The following NFKBID variants were observed in gnomAD, a reference collection of about 807,000 sequenced individuals.
The protein encoded by NFKBID is NFKB inhibitor delta.
A neutral mutation model predicts 53.4 loss-of-function variants in NFKBID; 26 were observed. The ratio of observed to expected loss-of-function variants is 0.49; its 90% CI spans 0.36 to 0.68. NFKBID has a LOEUF of 0.68. Ranked by LOEUF, NFKBID falls within the 30% of genes least tolerant of loss-of-function variation. NFKBID has a pLI of 0.00. For synonymous variants in NFKBID, 262 were observed against 259.8 expected, an observed-to-expected ratio of 1.01 and a Z score of -0.08; for missense variants, 493 against 614.1, an observed-to-expected ratio of 0.80 and a Z score of 2.08.
intron 1 of NFKBID, among the ~76,000 whole-genome samples, chr19:35,899,330 A>G (rs1975413024): frequency 6.6e-6 from 1 of 152,090 alleles, no homozygotes; most frequent in Non-Finnish European, 1.5e-5. Context: ...CTGTAATCCC[A>G]ACACTTTGAG....
chr19:35,892,049 ATTG>A (rs769378379), intron 9 of NFKBID, among the ~76,000 whole-genome samples: 110 of 151,006 alleles, frequency 7.3e-4, no homozygotes, highest in Middle Eastern at 7.0e-3. Flanking sequence ...ATCTTTTATT[ATTG>A]TTGTTGTTGT....
At chr19:35,901,991 C>T, upstream of NFKBID, 1 of 603,286 alleles carries the variant, frequency 1.7e-6, no homozygotes, top group Non-Finnish European at 3.0e-6. Flanking sequence ...GCACTCACTT[C>T]CTTGGTGATC....
chr19:35,898,819 C>T, exon 2 of NFKBID: 1 of 1,535,758 alleles, frequency 6.5e-7, no homozygotes, highest in South Asian at 1.2e-5. Flanking sequence ...CTCACCCCTG[C>T]TCACTGTGCG....
Position 35,896,404 on chromosome 19 carries a change from T to C in NFKBID, c.819A>G (p.Pro273=), listed in dbSNP as rs1432440950. 6.2e-7 allele frequency: 1 copy of C among 1,614,126 alleles called. No individual in the cohort carries two copies. Among genetic ancestry groups the C allele is most frequent in the African/African-American group, 1.3e-5 (1 of 75,022 alleles). ...CAGCTGGCCATACCAAGAGAACTCC[T>C]GGGAGCCCGTAGGTAGCGGCCACGT... is the stretch of plus-strand genomic sequence containing the variant. Residue 273 remains proline, a synonymous_variant, in exon 7 of 12, where the codon CCA becomes CCG. Coordinates refer to ENST00000641389, the Ensembl canonical transcript of NFKBID. This position sits in a 1 kb window ranked among gnomAD's most constrained non-coding sequence, Gnocchi z 5.7.
At chr19:35,893,913 T>C (rs2146949108) in intron 9 of NFKBID, among the ~76,000 whole-genome samples, 1 of 152,160 alleles carries the variant, frequency 6.6e-6, no homozygotes, top group Non-Finnish European at 1.5e-5. Flanking sequence ...ATGGAGTTCA[T>C]TCCACTATTT....
intron 9 of NFKBID, among the ~76,000 whole-genome samples, chr19:35,892,523 G>A (rs1324198027): frequency 2.0e-5 from 3 of 146,734 alleles, no homozygotes; most frequent in Non-Finnish European, 3.0e-5. Context: ...CAACCTGGGC[G>A]ACAGAGCGAG....
chr19:35,888,401 C>G, exon 12 of NFKBID: 1 of 607,122 alleles, frequency 1.6e-6, no homozygotes, highest in Non-Finnish European at 3.0e-6. Context: ...AATATTGGGG[C>G]CTGTTCACCC....
upstream of NFKBID, chr19:35,902,271 AAC>A (rs1244751511): frequency 1.4e-6 from 1 of 705,862 alleles, no homozygotes; most frequent in Non-Finnish European, 2.6e-6. Context: ...ATCCCTCTCA[AAC>A]ACACCCACAT....
At chr19:35,895,809 C>T (rs1357505613) in intron 9 of NFKBID, among the ~76,000 whole-genome samples, 171 bp downstream of exon 9, 1 of 152,098 alleles carries the variant, frequency 6.6e-6, no homozygotes, top group Admixed American at 6.6e-5. Context: ...CATCTCAAAA[C>T]AAACAAAGAA....
At chr19:35,895,904 C>A in intron 9 of NFKBID, 76 bp downstream of exon 9, 1 of 1,429,186 alleles carries the variant, frequency 7.0e-7, no homozygotes. Flanking sequence ...TCAGCATTTG[C>A]CTGGAGCTCC....
At chr19:35,892,090 A>G (rs1303725903) in intron 9 of NFKBID, among the ~76,000 whole-genome samples, 1 of 151,054 alleles carries the variant, frequency 6.6e-6, no homozygotes, top group East Asian at 2.0e-4. Flanking sequence ...TTGCTCTGTC[A>G]CCCAGGCTGG....
At position 35,898,840 on chromosome 19, in the gene NFKBID, G is replaced by C. The variant is rs974930601; in HGVS notation, c.62-18C>G. ...CCTGCTCACTGTGCGGGAGAGGAGA[G>C]GGGGAAGTCATCAAGGGTCCTTAAG... On this transcript the variant is annotated intron_variant, in intron 1 of 11. Coordinates refer to ENST00000641389, the Ensembl canonical transcript of NFKBID. The C allele has an allele frequency of 2.0e-6, 3 of 1,530,692 alleles. No homozygotes were observed. The highest frequency in any genetic ancestry group is 2.6e-6 in the Non-Finnish European group (3 of 1,142,034). 94.8% of individuals were successfully genotyped at this position (1,530,692 alleles called of 1,614,324 possible).
intron 9 of NFKBID, among the ~76,000 whole-genome samples, chr19:35,895,561 G>C (rs908196061): frequency 6.6e-6 from 1 of 152,092 alleles, no homozygotes; most frequent in African/African-American, 2.4e-5. Flanking sequence ...CAGCACTTTG[G>C]GAGGCCAAGG....
intron 9 of NFKBID, among the ~76,000 whole-genome samples, chr19:35,892,297 C>T (rs1371741989): frequency 6.6e-6 from 1 of 152,092 alleles, no homozygotes; most frequent in African/African-American, 2.4e-5. Flanking sequence ...AGCAGTCCGC[C>T]CACCTGAGCC....
chr19:35,893,126 A>G (rs541593523), intron 9 of NFKBID, among the ~76,000 whole-genome samples: 1 of 152,316 alleles, frequency 6.6e-6, no homozygotes, highest in East Asian at 1.9e-4. Context: ...TCGTGATCGC[A>G]CCACAGCACT....
intron 11 of NFKBID, among the ~76,000 whole-genome samples, chr19:35,889,564 C>A (rs1230787399): frequency 3.3e-5 from 5 of 151,314 alleles, no homozygotes. Context: ...GAGGTCAGGA[C>A]CCAAGGTTAG....
chr19:35,897,508 T>G (rs1171960005), intron 4 of NFKBID, 143 bp downstream of exon 4: 1 of 678,280 alleles, frequency 1.5e-6, no homozygotes, highest in Non-Finnish European at 2.7e-6. Flanking sequence ...CCTCCCAAAG[T>G]GCTGGGATTA....
chr19:35,897,717 G>A, exon 4 of NFKBID: 1 of 1,612,910 alleles, frequency 6.2e-7, no homozygotes, highest in Non-Finnish European at 8.5e-7. Context: ...CAGGAGGCAG[G>A]AAATTTTCGG....
At chr19:35,892,026 G>A (rs547117657) in intron 9 of NFKBID, among the ~76,000 whole-genome samples, 13 of 151,938 alleles carry the variant, frequency 8.6e-5, no homozygotes, top group African/African-American at 2.4e-4. Context: ...GGGATTACAG[G>A]GAAAGAGTTC....
Sources: allele counts gnomAD v4.1 joint callset (sites outside exome capture counted in the v4.1 genomes callset), GRCh38; gene constraint gnomAD v4.1.1; non-coding constraint Gnocchi (gnomAD v3.1); transcripts MANE v1.5; gene names NCBI Gene and HGNC (gene_info 2026-07-23, HGNC 2026-07-21).